LRBA: variants seen among roughly 807,000 people sequenced by gnomAD.
The protein encoded by LRBA is lipopolysaccharide-responsive and beige-like anchor protein.
A neutral mutation model predicts 330.0 loss-of-function variants in LRBA; 176 were observed. The ratio of observed to expected loss-of-function variants is 0.53; its 90% CI spans 0.47 to 0.60. The LOEUF (loss-of-function observed/expected upper bound fraction) is 0.60. Ranked by LOEUF, LRBA falls within the 20% of genes least tolerant of loss-of-function variation. The pLI is 0.00. For missense variants in LRBA, 3,259 were observed against 3,444.8 expected (o/e 0.95, Z 1.35); for synonymous variants, 1,230 against 1,193.0 (o/e 1.03, Z -0.64).
chr4:150,834,816 A>T (rs149352162), intron 28 of LRBA, among the ~76,000 whole-genome samples: 6 of 152,090 alleles, frequency 3.9e-5, no homozygotes, highest in Non-Finnish European at 8.8e-5. Context: ...ATCTTCTTCC[A>T]ATAAAAGGTG....
chr4:150,305,054 G>C (rs1319530878), intron 52 of LRBA, among the ~76,000 whole-genome samples: 2 of 152,168 alleles, frequency 1.3e-5, no homozygotes, highest in Non-Finnish European at 2.9e-5. Context: ...GCTTATTTCA[G>C]ATTTGAAACC....
At chr4:150,507,423 G>A (rs1207964775) in intron 40 of LRBA, among the ~76,000 whole-genome samples, 9 of 151,874 alleles carry the variant, frequency 5.9e-5, no homozygotes, top group South Asian at 2.1e-4. Context: ...AAATAATGCC[G>A]CATATCTACA....
At chr4:150,600,747 C>A (rs965979200) in intron 37 of LRBA, among the ~76,000 whole-genome samples, 2 of 151,414 alleles carry the variant, frequency 1.3e-5, no homozygotes, top group African/African-American at 4.9e-5. Context: ...AAATAAATAC[C>A]CACAGAATAT....
chr4:150,768,838 T>C (rs968573343), intron 34 of LRBA, among the ~76,000 whole-genome samples: 1 of 151,550 alleles, frequency 6.6e-6, no homozygotes. Flanking sequence ...GAAAAGAAGA[T>C]TAAAGAAAAG....
intron 40 of LRBA, among the ~76,000 whole-genome samples, chr4:150,518,220 A>G (rs1484124455): frequency 6.6e-6 from 1 of 152,248 alleles, no homozygotes; most frequent in Admixed American, 6.5e-5. Context: ...GTGTTACCAC[A>G]TTAGTGGATC....
At chr4:150,729,664 C>T (rs906721866) in intron 36 of LRBA, among the ~76,000 whole-genome samples, 2 of 152,084 alleles carry the variant, frequency 1.3e-5, no homozygotes, top group African/African-American at 4.8e-5. Context: ...TATGTGGAAT[C>T]ACAAGAGACT....
At chr4:150,788,316 C>T (rs1739387259) in intron 34 of LRBA, among the ~76,000 whole-genome samples, 2 of 140,726 alleles carry the variant, frequency 1.4e-5, no homozygotes, top group African/African-American at 2.9e-5. Flanking sequence ...CCAGGCTGGT[C>T]TCAAACTCCT....
At chr4:150,667,646 A>G (rs112842385) in intron 37 of LRBA, among the ~76,000 whole-genome samples, 1 of 152,228 alleles carries the variant, frequency 6.6e-6, no homozygotes, top group African/African-American at 2.4e-5. Context: ...TGAGGGTAGG[A>G]CCCTCAGGAA....
At chr4:150,933,256 C>G (rs1342774968) in intron 2 of LRBA, among the ~76,000 whole-genome samples, 1 of 151,456 alleles carries the variant, frequency 6.6e-6, no homozygotes, top group African/African-American at 2.4e-5. Flanking sequence ...GGCATGGTGA[C>G]ACGTGCCTGT....
chr4:150,272,527 A>G (rs1436030391), intron 56 of LRBA, among the ~76,000 whole-genome samples: 1 of 152,080 alleles, frequency 6.6e-6, no homozygotes, highest in African/African-American at 2.4e-5. Context: ...GAGCTAAAGG[A>G]TCACGTTCTA....
intron 43 of LRBA, among the ~76,000 whole-genome samples, chr4:150,468,729 C>CT (rs1169544261): frequency 6.6e-6 from 1 of 151,794 alleles, no homozygotes. Context: ...ATTTCCATTC[C>CT]TTTTTCTTTC....
intron 34 of LRBA, among the ~76,000 whole-genome samples, chr4:150,797,865 T>A (rs1284802331): frequency 6.6e-6 from 1 of 152,140 alleles, no homozygotes; most frequent in Non-Finnish European, 1.5e-5. Flanking sequence ...TCTAAAAACT[T>A]TTGTTTCTCA....
intron 36 of LRBA, among the ~76,000 whole-genome samples, chr4:150,728,484 AAGGTCATT>A (rs1729999182): frequency 1.3e-5 from 2 of 152,168 alleles, no homozygotes; most frequent in South Asian, 4.1e-4. Context: ...ATACATTAAA[AAGGTCATT>A]AATCATGACC....
chr4:150,477,643 T>C (rs1489642311), intron 42 of LRBA, among the ~76,000 whole-genome samples: 1 of 152,012 alleles, frequency 6.6e-6, no homozygotes. Flanking sequence ...ACCCCCAGTG[T>C]TGGAGGTGGG....
At chr4:150,383,577 A>C (rs1160693714) in intron 47 of LRBA, among the ~76,000 whole-genome samples, 2 of 152,166 alleles carry the variant, frequency 1.3e-5, no homozygotes, top group Non-Finnish European at 2.9e-5. Flanking sequence ...CTTAAAAACA[A>C]ACACACTTTT....
intron 2 of LRBA, among the ~76,000 whole-genome samples, chr4:150,972,372 T>G (rs2149588110): frequency 6.6e-6 from 1 of 151,974 alleles, no homozygotes; most frequent in African/African-American, 2.4e-5. Flanking sequence ...CCAAAACTGT[T>G]AAAAAATAAA....
intron 34 of LRBA, among the ~76,000 whole-genome samples, chr4:150,795,351 A>G (rs1193128452): frequency 1.3e-5 from 2 of 152,092 alleles, no homozygotes; most frequent in Non-Finnish European, 2.9e-5. Context: ...CATGTTTGTG[A>G]AAAACCACCT....
rs1186891259 is a variant in LRBA, at chr4:150,493,538, G to A, written c.6331-2503C>T. ...AAAATAGTTGAGAAAACAGATATTC[G>A]CAAAAATATTCGGATTTCTGTCTTC... On this transcript the variant is annotated intron_variant, in intron 40 of 56. Transcript: ENST00000651943. Among the ~76,000 whole-genome samples, 6 of 152,208 alleles carry A rather than the reference G, an allele frequency of 3.9e-5. No individual in the cohort carries two copies. In the South Asian group the frequency reaches 1.2e-3, roughly 32 times the overall value.
intron 2 of LRBA, among the ~76,000 whole-genome samples, chr4:150,960,757 T>A (rs72721711): frequency 6.7e-6 from 1 of 149,312 alleles, no homozygotes; most frequent in Non-Finnish European, 1.5e-5. Flanking sequence ...AGTTTTACAA[T>A]AAAAATTTTT....
Sources: gnomAD v4.1 joint callset for allele counts (sites outside exome capture counted in the v4.1 genomes callset) on GRCh38, gnomAD v4.1.1 for gene constraint, MANE v1.5 for transcripts, NCBI Gene and HGNC (gene_info 2026-07-23, HGNC 2026-07-21) for gene names.